Variants in PCNT observed in about 807,000 individuals in gnomAD.
The protein encoded by PCNT is pericentrin.
A neutral mutation model predicts 380.4 loss-of-function variants in PCNT; 319 were observed. That is an observed-to-expected ratio of 0.84 (90% CI 0.77 to 0.92). The LOEUF is 0.92. Ranked by LOEUF, PCNT falls within the 40% of genes least tolerant of loss-of-function variation. The pLI is 0.00. For missense variants in PCNT, 4,400 were observed against 4,255.3 expected (o/e 1.03, Z -0.95); for synonymous variants, 1,845 against 1,735.2 (o/e 1.06, Z -1.57).
Position 46,347,016 on chromosome 21 carries a change from G to A in PCNT, c.976+18G>A, listed in dbSNP as rs563806955. 28 of 1,588,076 alleles carry A rather than the reference G, an allele frequency of 1.8e-5. No individual in the cohort carries two copies. The highest frequency in any genetic ancestry group is 1.5e-4 in the African/African-American group (11 of 74,894). ...GGAAGCAGGTACTGCATGGCTAGGCGGGCACGGGCAGCGTGTGGGCTCGGT... is the reference window on the plus strand; with the variant it reads ...GGAAGCAGGTACTGCATGGCTAGGCAGGCACGGGCAGCGTGTGGGCTCGGT... On this transcript the variant is annotated intron_variant, in intron 5 of 46. Coordinates refer to ENST00000359568, the MANE Select transcript of PCNT (RefSeq NM_006031.6).
chr21:46,400,166 C>G (rs1159895416), intron 25 of PCNT, among the ~76,000 whole-genome samples: 1 of 152,152 alleles, frequency 6.6e-6, no homozygotes, highest in Non-Finnish European at 1.5e-5. Context: ...TCTTTGAGCT[C>G]AGGAACTCAT....
intron 43 of PCNT, 25 bp from the exon 44 acceptor site, chr21:46,442,470 AGT>A (rs1412295965): frequency 1.4e-6 from 2 of 1,443,672 alleles, no homozygotes; most frequent in African/African-American, 1.4e-5. Context: ...CGTACTTTTA[AGT>A]GTGTCTTGTC....
rs766225190 is a variant in PCNT at position 46,438,331 on chromosome 21, C to T, written c.9267C>T (p.Ser3089=). ...AGCACCATCTGCAGAAGGGCTGCAG[C>T]CCAAGCGTAGGTGTCTGTGCTTAAC... ...LLKHHLQKGC[S]PSRSERSAWK... The change falls in exon 41 of 47, where the codon AGC becomes AGT. Residue 3089 remains serine (S), a synonymous_variant. Coordinates refer to ENST00000359568, the MANE Select transcript of PCNT (RefSeq NM_006031.6). 4 of 1,613,780 alleles carry T rather than the reference C, an allele frequency of 2.5e-6. No homozygotes were observed. The South Asian group carries it at 3.3e-5, about 13-fold the overall frequency.
In PCNT at chr21:46,363,490, A is replaced by G. The variant is rs749439934; in HGVS notation, c.2165A>G (p.Asn722Ser). 5 of 1,612,380 alleles carry G rather than the reference A, an allele frequency of 3.1e-6. No homozygotes were observed. The East Asian group carries it at 8.9e-5, about 29-fold the overall frequency. The change falls in exon 14 of 47, where the codon AAT (asparagine) becomes AGT (serine). Residue 722 changes from asparagine to serine, a missense_variant. Transcript: ENST00000359568. ...TTATGTTGTCTGTAGGTAAAACACA[A>G]TCTAATTGAAGACCACCAGAAGGAA... ...LKDDLEKVKH[N>S]LIEDHQKELN...
chr21:46,354,985 C>T (rs1006600939), intron 11 of PCNT, among the ~76,000 whole-genome samples: 6 of 152,220 alleles, frequency 3.9e-5, no homozygotes, highest in African/African-American at 1.2e-4. Context: ...ACCAGGCATT[C>T]GTGTATCACC....
chr21:46,384,230 GT>G (rs2085729784), intron 16 of PCNT, among the ~76,000 whole-genome samples: 1 of 44,320 alleles, frequency 2.3e-5, no homozygotes, highest in Non-Finnish European at 5.2e-5. Flanking sequence ...GGTGTTGTGC[GT>G]TCAGTGGCGG....
At chr21:46,402,210 G>A in intron 26 of PCNT, 121 bp from the exon 27 acceptor site, 1 of 674,570 alleles carries the variant, frequency 1.5e-6, no homozygotes, top group Non-Finnish European at 2.5e-6. Flanking sequence ...GTACAGGGTA[G>A]TAATTGCTTT....
chr21:46,351,433 A>G lies in PCNT; in HGVS notation c.1349A>G (p.Glu450Gly). ...ESEKEKQLELENLQASYEDLK... is the reference protein window; with the variant it reads ...ESEKEKQLELGNLQASYEDLK... ...TGGACACTTTGCTTTTTCCAGTTAG[A>G]GAATCTTCAAGCATCATATGAAGAC... Residue 450 changes from glutamate to glycine, a missense_variant, in exon 9 of 47, where the codon GAG (glutamate) becomes GGG (glycine). By Grantham distance (98) the Glu-to-Gly change is moderately conservative. Transcript: ENST00000359568. The G allele has an allele frequency of 1.3e-6, 2 of 1,590,022 alleles. No individual in the cohort carries two copies. The highest frequency in any genetic ancestry group is 1.7e-6 in the Non-Finnish European group (2 of 1,158,000).
chr21:46,411,297 C>T lies in PCNT; in HGVS notation c.5224C>T (p.Leu1742Phe). 1.2e-6 allele frequency: 2 copies of T among 1,614,242 alleles called. No individual in the cohort carries two copies. ...GGAGAAAGCAGAGGAAATTGAACAACTCCATGAAGTCATTGAGAAGCTGCA... is the reference window on the plus strand; with the variant it reads ...GGAGAAAGCAGAGGAAATTGAACAATTCCATGAAGTCATTGAGAAGCTGCA... ...QKEKAEEIEQ[L>F]HEVIEKLQHE... Residue 1742 changes from leucine to phenylalanine, a missense_variant, in exon 28 of 47, where the codon CTC becomes TTC. By Grantham distance (22) the Leu-to-Phe change is conservative (BLOSUM62 0). Transcript: ENST00000359568.
At chr21:46,365,427 ATTCACTGCCGTGGGGTTCTG>A (rs1569204538) in intron 14 of PCNT, among the ~76,000 whole-genome samples, 75 of 110,770 alleles carry the variant, frequency 6.8e-4, no homozygotes, top group African/African-American at 9.3e-4. Flanking sequence ...GTGGGGTTCT[ATTCACTGCCGTGGGGTTCTG>A]TTCACTGCCG....
chr21:46,385,857 G>A lies in PCNT; in HGVS notation c.3338G>A (p.Ser1113Asn), dbSNP rs763212290. The A allele has an allele frequency of 6.2e-7, 1 of 1,614,232 alleles. No homozygotes were observed. The highest frequency in any genetic ancestry group is 8.5e-7 in the Non-Finnish European group (1 of 1,180,020). Residue 1113 changes from serine (S) to asparagine (N), a missense_variant, in exon 17 of 47, where the codon AGT becomes AAT. Ser to Asn is a conservative substitution (Grantham distance 46). Coordinates refer to ENST00000359568, the MANE Select transcript of PCNT (RefSeq NM_006031.6). ...QQLKDQVLSL[S>N]HEIEECRSEL... The stretch of plus-strand genomic sequence containing the variant: ...CTGAAAGACCAGGTTTTATCCTTAA[G>A]TCACGAGATAGAAGAGTGCCGCTCC...
intron 26 of PCNT, 89 bp downstream of exon 26, chr21:46,401,810 A>C: frequency 8.0e-7 from 1 of 1,252,052 alleles, no homozygotes; most frequent in Non-Finnish European, 1.2e-6. Context: ...CAGATAACAC[A>C]GGCGATGGGC....
chr21:46,359,478 C>CTTTTTTTTTTTTTTTTTTTTTTTT (rs1439114322), intron 13 of PCNT, among the ~76,000 whole-genome samples: 1 of 72,612 alleles, frequency 1.4e-5, no homozygotes, highest in Non-Finnish European at 3.3e-5. Flanking sequence ...AAAAATACAC[C>CTTTTTTTTTTTTTTTTTTTTTTTT]TGTTTTTTTT....
intron 13 of PCNT, among the ~76,000 whole-genome samples, chr21:46,358,312 C>T (rs1048927631): frequency 6.6e-6 from 1 of 152,252 alleles, no homozygotes; most frequent in East Asian, 1.9e-4. Flanking sequence ...TCCTGCTTCT[C>T]CCACCCCTTT....
intron 16 of PCNT, among the ~76,000 whole-genome samples, chr21:46,384,191 T>C (rs1418587590): frequency 4.1e-5 from 6 of 146,394 alleles, no homozygotes; most frequent in Non-Finnish European, 7.5e-5. Context: ...TTCACGGTGT[T>C]GTGCGTTCAG....
intron 45 of PCNT, among the ~76,000 whole-genome samples, 166 bp downstream of exon 45, chr21:46,444,114 G>A (rs2053687040): frequency 6.6e-6 from 1 of 152,266 alleles, no homozygotes; most frequent in Admixed American, 6.5e-5. Context: ...GCCCTGTTCT[G>A]GGGGAGGACC....
At chr21:46,424,570 T>A (rs2147887288) in intron 32 of PCNT, among the ~76,000 whole-genome samples, 2 of 152,356 alleles carry the variant, frequency 1.3e-5, no homozygotes, top group Middle Eastern at 6.8e-3. Context: ...AGATGTTTTT[T>A]AAAATGCATT....
intron 3 of PCNT, among the ~76,000 whole-genome samples, chr21:46,340,289 C>T (rs770673891): frequency 1.3e-5 from 2 of 152,170 alleles, no homozygotes; most frequent in Non-Finnish European, 2.9e-5. Flanking sequence ...TCCCATGACA[C>T]GTGGGAATTG....
intron 29 of PCNT, among the ~76,000 whole-genome samples, chr21:46,414,452 C>G: frequency 1.6e-5 from 1 of 60,840 alleles, no homozygotes; most frequent in African/African-American, 9.4e-5. Context: ...ACACAGTCGC[C>G]CACCCTCCTC....
Sources: gnomAD v4.1 joint callset for allele counts (sites outside exome capture counted in the v4.1 genomes callset) on GRCh38, gnomAD v4.1.1 for gene constraint, MANE v1.5 for transcripts, NCBI Gene and HGNC (gene_info 2026-07-23, HGNC 2026-07-21) for gene names.